ROBO2: variants seen among roughly 807,000 people sequenced by gnomAD.
The protein encoded by ROBO2 is roundabout guidance receptor 2, also known as roundabout homolog 2.
Under a neutral mutation model 160.8 loss-of-function variants are expected in ROBO2, and 53 were observed. That is an observed-to-expected ratio of 0.33 (90% confidence interval 0.26 to 0.41). ROBO2 has a LOEUF of 0.41. Among genes scored for constraint, ROBO2 ranks in the 10% least tolerant of loss-of-function variants. ROBO2 has a pLI of 1.00. For synonymous variants in ROBO2, 664 were observed against 611.7 expected (o/e 1.09, Z -1.26); for missense variants, 1,577 against 1,722.4 (o/e 0.92, Z 1.49).
intron 2 of ROBO2, among the ~76,000 whole-genome samples, chr3:75,966,448 G>T (rs1217596862): frequency 6.6e-6 from 1 of 151,526 alleles, no homozygotes; most frequent in Non-Finnish European, 1.5e-5. Context: ...TTTAATGCTG[G>T]CCTATTTTTC....
Position 76,011,328 on chromosome 3 carries a change from T to C in ROBO2, c.109+73726T>C, listed in dbSNP as rs1026823140. On this transcript the variant is annotated intron_variant, in intron 2 of 26. Coordinates refer to the ROBO2 transcript ENST00000487694. ...CTGCCAGCCCGTGATTCAGGTGGAC[T>C]GAGACCCAAAATAGCCACCAGAGCA... Among the ~76,000 whole-genome samples, 8 of 152,174 alleles carry C rather than the reference T, an allele frequency of 5.3e-5. No homozygotes were observed. The East Asian group carries it at 1.3e-3, about 26-fold the overall frequency.
chr3:77,482,883 C>A (rs2084877352), intron 4 of ROBO2, among the ~76,000 whole-genome samples: 1 of 152,060 alleles, frequency 6.6e-6, no homozygotes, highest in Non-Finnish European at 1.5e-5. Context: ...AGCTATATTA[C>A]TGCAGTATAG....
chr3:76,624,796 C>CAAAAAAAAAAAAAAAAAA (rs57920315), intron 2 of ROBO2, among the ~76,000 whole-genome samples: 7 of 46,322 alleles, frequency 1.5e-4, no homozygotes, highest in African/African-American at 4.1e-4. Flanking sequence ...GACTCCGTCT[C>CAAAAAAAAAAAAAAAAAA]AAAAAAAAAA....
chr3:76,781,638 G>T (rs1385673680), intron 2 of ROBO2, among the ~76,000 whole-genome samples: 1 of 150,670 alleles, frequency 6.6e-6, no homozygotes, highest in Non-Finnish European at 1.5e-5. Context: ...TGTCTCCATT[G>T]GGATGATCAT....
At chr3:77,192,649 C>CT (rs2081960520) in intron 2 of ROBO2, among the ~76,000 whole-genome samples, 1 of 111,012 alleles carries the variant, frequency 9.0e-6, no homozygotes, top group African/African-American at 4.4e-5. Flanking sequence ...AAACACAATT[C>CT]CTTTTTTTTT....
At chr3:77,404,111 A>G (rs1581681187) in intron 2 of ROBO2, among the ~76,000 whole-genome samples, 1 of 152,204 alleles carries the variant, frequency 6.6e-6, no homozygotes, top group East Asian at 1.9e-4. Context: ...GTTATATGAC[A>G]GTCTCTATAT....
intron 2 of ROBO2, among the ~76,000 whole-genome samples, chr3:76,560,669 G>C (rs1229743243): frequency 6.7e-6 from 1 of 149,344 alleles, no homozygotes; most frequent in Non-Finnish European, 1.5e-5. Context: ...CTCCCGGTAA[G>C]TCTATAGTCA....
exon 26 of ROBO2, chr3:77,647,022 T>C (rs1583499150): frequency 6.6e-6 from 1 of 152,512 alleles, no homozygotes; most frequent in African/African-American, 2.4e-5. Context: ...GAATATAATA[T>C]GAAGTTCCCC....
At chr3:76,275,475 C>T (rs574255780) in intron 2 of ROBO2, among the ~76,000 whole-genome samples, 83 of 152,132 alleles carry the variant, frequency 5.5e-4, no homozygotes, top group Non-Finnish European at 8.5e-4. Flanking sequence ...ACAAAGACCT[C>T]GGTCTTTACT....
chr3:75,908,392 T>C (rs1946438155), intron 1 of ROBO2, among the ~76,000 whole-genome samples: 1 of 152,188 alleles, frequency 6.6e-6, no homozygotes, highest in Admixed American at 6.5e-5. Flanking sequence ...CTTTCACATA[T>C]ATTACTTCTC....
chr3:76,723,396 A>G (rs1048024609), intron 2 of ROBO2, among the ~76,000 whole-genome samples: 5 of 152,184 alleles, frequency 3.3e-5, no homozygotes, highest in Admixed American at 2.6e-4. Context: ...AAAAAAATCC[A>G]TAAACATAAG....
chr3:76,378,480 TAGG>T (rs1183639070), intron 2 of ROBO2, among the ~76,000 whole-genome samples: 5 of 152,132 alleles, frequency 3.3e-5, no homozygotes, highest in African/African-American at 1.2e-4. Context: ...GTTCGACGAG[TAGG>T]AGATCAAGTA....
chr3:76,348,555 G>A (rs2074676607), intron 2 of ROBO2, among the ~76,000 whole-genome samples: 1 of 152,090 alleles, frequency 6.6e-6, no homozygotes, highest in Admixed American at 6.6e-5. Context: ...AAAAGCAAGG[G>A]TAAAAGTTAA....
At chr3:76,215,286 C>T (rs917698610) in intron 2 of ROBO2, among the ~76,000 whole-genome samples, 1 of 152,130 alleles carries the variant, frequency 6.6e-6, no homozygotes, top group Non-Finnish European at 1.5e-5. Context: ...AGCTCATCAC[C>T]AGCAATGGAA....
At chr3:77,081,590 G>T (rs2068663497) in intron 1 of ROBO2, among the ~76,000 whole-genome samples, 1 of 152,206 alleles carries the variant, frequency 6.6e-6, no homozygotes, top group East Asian at 1.9e-4. Flanking sequence ...ACAGGCAAGT[G>T]TGGGCTGCCT....
chr3:77,260,169 C>A (rs569770719), intron 2 of ROBO2, among the ~76,000 whole-genome samples: 8 of 152,090 alleles, frequency 5.3e-5, no homozygotes, highest in Middle Eastern at 3.4e-3. Flanking sequence ...GTTTTCACAG[C>A]GGTGGGTCCA....
intron 1 of ROBO2, among the ~76,000 whole-genome samples, chr3:77,080,601 T>C (rs528442816): frequency 6.6e-6 from 1 of 152,266 alleles, no homozygotes; most frequent in South Asian, 2.1e-4. Context: ...ACTTCATTCA[T>C]TAAGTTACTT....
intron 2 of ROBO2, among the ~76,000 whole-genome samples, chr3:77,314,835 T>C (rs1231972137): frequency 6.6e-6 from 1 of 152,192 alleles, no homozygotes; most frequent in Non-Finnish European, 1.5e-5. Flanking sequence ...CCCATATAAC[T>C]GCTGTAGGGA....
At chr3:77,349,191 A>T (rs1490816409) in intron 2 of ROBO2, among the ~76,000 whole-genome samples, 1 of 152,182 alleles carries the variant, frequency 6.6e-6, no homozygotes, top group Non-Finnish European at 1.5e-5. Flanking sequence ...AAAACATGAA[A>T]GTACATTGAT....
Sources: allele counts gnomAD v4.1 joint callset (sites outside exome capture counted in the v4.1 genomes callset), GRCh38; gene constraint gnomAD v4.1.1; transcripts MANE v1.5; gene names NCBI Gene and HGNC (gene_info 2026-07-23, HGNC 2026-07-21).